The following TRIP11 variants were observed in gnomAD, a reference collection of about 807,000 sequenced individuals.
The protein encoded by TRIP11 is thyroid receptor-interacting protein 11.
Under a neutral mutation model 223.1 loss-of-function variants are expected in TRIP11, and 148 were observed. That is an observed-to-expected ratio of 0.66 (90% CI 0.58 to 0.76). TRIP11 has a LOEUF of 0.76. Ranked by LOEUF, TRIP11 falls within the 30% of genes least tolerant of loss-of-function variation. TRIP11 has a pLI of 0.00. For synonymous variants in TRIP11, 762 were observed against 772.6 expected, an observed-to-expected ratio of 0.99 and a Z score of 0.23; for missense variants, 2,043 against 2,222.0, an observed-to-expected ratio of 0.92 and a Z score of 1.62.
chr14:91,975,195 C>T lies in TRIP11; in HGVS notation c.5434G>A (p.Val1812Ile), dbSNP rs139141533. 2.6e-5 allele frequency: 42 copies of T among 1,613,488 alleles called. No homozygotes were observed. The highest frequency in any genetic ancestry group is 2.0e-4 in the East Asian group (9 of 44,864). ...VLRLMGSILG[V>I]RREEMEQLFH... Reference sequence around the variant, plus strand: ...ACCTGCTCCATCTCCTCCCTTCTGACGCCCAGGATGCTCCCCATTAACCGT... The same window carrying T: ...ACCTGCTCCATCTCCTCCCTTCTGATGCCCAGGATGCTCCCCATTAACCGT... The change falls in exon 18 of 21, where the codon GTC becomes ATC. Residue 1812 changes from valine to isoleucine, a missense_variant. Physicochemically the swap from Val to Ile is conservative, Grantham distance 29 (BLOSUM62 3). Coordinates refer to ENST00000267622, the MANE Select transcript of TRIP11 (RefSeq NM_004239.4).
intron 2 of TRIP11, among the ~76,000 whole-genome samples, chr14:92,029,371 C>T (rs1045287879): frequency 1.4e-5 from 2 of 139,928 alleles, no homozygotes; most frequent in Non-Finnish European, 3.0e-5. Context: ...TCTCGGCTCA[C>T]TGCAACCTCT....
At chr14:92,015,932 T>C (rs931968556) in intron 5 of TRIP11, 71 bp from the exon 6 acceptor site, 19 of 1,370,980 alleles carry the variant, frequency 1.4e-5, no homozygotes, top group Admixed American at 6.7e-5. Flanking sequence ...ATTTAACTGT[T>C]GTCCAAAAGT....
chr14:91,973,112 G>T (rs1016730278), intron 19 of TRIP11, among the ~76,000 whole-genome samples: 2 of 145,506 alleles, frequency 1.4e-5, no homozygotes, highest in Admixed American at 1.4e-4. Flanking sequence ...TGCAACCTCC[G>T]CCTCCCAGGT....
At chr14:92,022,564 C>T (rs1008990916) in intron 3 of TRIP11, among the ~76,000 whole-genome samples, 6 of 152,098 alleles carry the variant, frequency 3.9e-5, no homozygotes, top group Non-Finnish European at 8.8e-5. Flanking sequence ...TAAGTCATAG[C>T]GCAAAAGAAA....
intron 2 of TRIP11, among the ~76,000 whole-genome samples, chr14:92,030,374 G>C (rs1002613948): frequency 6.6e-6 from 1 of 151,944 alleles, no homozygotes; most frequent in East Asian, 1.9e-4. Flanking sequence ...ATACATGACA[G>C]TATTCTTTTT....
chr14:91,996,408 G>A (rs933682311), intron 13 of TRIP11, among the ~76,000 whole-genome samples: 8 of 152,176 alleles, frequency 5.3e-5, no homozygotes, highest in East Asian at 1.9e-4. Flanking sequence ...CAGGTGAGGC[G>A]GCTCTCACAT....
In TRIP11 at chr14:92,003,406, A is replaced by G. The variant is rs1488747485; in HGVS notation, c.4557+13T>C. 1 of 1,612,158 alleles carries G rather than the reference A, an allele frequency of 6.2e-7. No homozygotes were observed. Among genetic ancestry groups the G allele is most frequent in the Non-Finnish European group, 8.5e-7 (1 of 1,179,994 alleles). On this transcript the variant is annotated intron_variant, in intron 11 of 20. Coordinates refer to ENST00000267622, the MANE Select transcript of TRIP11 (RefSeq NM_004239.4). ...CCCCAACTTCCTTCTACAATACTCC[A>G]TCCAGAACACACCTGTTCTTTCTCT...
Position 92,006,348 on chromosome 14 carries a change from ACTCT to A in TRIP11, c.1624_1627del (p.Arg542PhefsTer15). On this transcript the variant is annotated frameshift_variant, in exon 11 of 21. Coordinates refer to ENST00000267622, the MANE Select transcript of TRIP11 (RefSeq NM_004239.4). LOFTEE classifies it high-confidence loss of function. ...CATTTTATCATCTTCAAGTTGATGAACTCTCTTTTTTTCATCATTTAGATCTTGT... is the reference window on the plus strand; with the variant it reads ...CATTTTATCATCTTCAAGTTGATGAACTTTTTTTCATCATTTAGATCTTGT... 6.2e-7 allele frequency: 1 copy of A among 1,610,688 alleles called. No individual in the cohort carries two copies. The highest frequency in any genetic ancestry group is 1.7e-4 in the Middle Eastern group (1 of 6,044).
At chr14:91,988,074 A>T (rs918197838) in intron 16 of TRIP11, among the ~76,000 whole-genome samples, 2 of 152,204 alleles carry the variant, frequency 1.3e-5, no homozygotes, top group Admixed American at 6.5e-5. Context: ...AACATCCAGG[A>T]AAACTAACTG....
chr14:92,039,759 A>G lies in TRIP11; in HGVS notation c.-74T>C, dbSNP rs921572463. On this transcript the variant is annotated 5_prime_UTR_variant, in exon 1 of 21. Transcript: ENST00000267622. The stretch of plus-strand genomic sequence containing the variant: ...TTTAGCGCCGCCGGGCGATCCGACC[A>G]AATATCCTTGAACGCCTGCCTTCGC... The G allele has an allele frequency of 5.1e-6, 8 of 1,559,394 alleles. No homozygotes were observed. Among genetic ancestry groups the G allele is most frequent in the Non-Finnish European group, 6.1e-6 (7 of 1,151,504 alleles).
chr14:92,030,128 C>T (rs968080067), intron 2 of TRIP11, among the ~76,000 whole-genome samples: 6 of 137,504 alleles, frequency 4.4e-5, no homozygotes, highest in African/African-American at 1.4e-4. Context: ...ACCCGGGAGG[C>T]GGAGCTTGCA....
chr14:91,996,039 G>GTACA (rs1370397232), intron 13 of TRIP11, among the ~76,000 whole-genome samples: 1 of 152,100 alleles, frequency 6.6e-6, no homozygotes, highest in Non-Finnish European at 1.5e-5. Context: ...AGTTTTAAGT[G>GTACA]TACAGTTCAG....
chr14:92,001,167 C>T (rs1037388103), intron 11 of TRIP11, among the ~76,000 whole-genome samples: 5 of 151,942 alleles, frequency 3.3e-5, no homozygotes, highest in Admixed American at 6.6e-5. Context: ...GGTCTACAGC[C>T]GTTTCTTTTC....
intron 13 of TRIP11, among the ~76,000 whole-genome samples, chr14:91,997,733 C>T (rs1444748384): frequency 6.6e-6 from 1 of 152,060 alleles, no homozygotes; most frequent in African/African-American, 2.4e-5. Flanking sequence ...TAGCTGATAA[C>T]ATGAAATAAG....
intron 16 of TRIP11, among the ~76,000 whole-genome samples, chr14:91,985,851 A>G (rs1421995739): frequency 6.6e-6 from 1 of 152,248 alleles, no homozygotes; most frequent in Non-Finnish European, 1.5e-5. Context: ...TTCTTTTGAA[A>G]CAAGTGAGCT....
rs373823791 is a variant in TRIP11 at position 92,014,575 on chromosome 14, C to T, written c.826G>A (p.Gly276Ser). Residue 276 changes from glycine (G) to serine (S), a missense_variant and splice_region_variant, in exon 7 of 21, where the codon GGC becomes AGC. By Grantham distance (56) the Gly-to-Ser change is moderately conservative (BLOSUM62 0). Coordinates refer to ENST00000267622, the MANE Select transcript of TRIP11 (RefSeq NM_004239.4). ...EELENLLQQGGSGVIETDLSK... is the reference protein window; with the variant it reads ...EELENLLQQGSSGVIETDLSK... ...AGATCAGTTTCTATAACTCCAGAGC[C>T]ACCTAGAACATAAACACAAAACAAT... 3.7e-6 allele frequency: 6 copies of T among 1,601,982 alleles called. No individual in the cohort carries two copies. The highest frequency in any genetic ancestry group is 5.1e-6 in the Non-Finnish European group (6 of 1,177,566).
chr14:91,975,033 A>G, intron 18 of TRIP11, 139 bp downstream of exon 18: 3 of 831,432 alleles, frequency 3.6e-6, no homozygotes, highest in Non-Finnish European at 6.1e-6. Context: ...TGCCTCTTCA[A>G]TGTTGTATGA....
chr14:91,969,266 C>A lies in TRIP11; in HGVS notation c.*407G>T. ...TCTGCACTATGCAGAGAAGCCACTA[C>A]TAGTATTTTTTTATTCTTCGTTTAA... On this transcript the variant is annotated 3_prime_UTR_variant, in exon 21 of 21. Transcript: ENST00000267622. 3.2e-6 allele frequency: 1 copy of A among 311,122 alleles called. No individual in the cohort carries two copies. Among genetic ancestry groups the A allele is most frequent in the African/African-American group, 2.2e-5 (1 of 45,798 alleles). 19.3% of individuals were successfully genotyped at this position (311,122 alleles called of 1,614,324 possible). A position where few individuals can be genotyped will look rare whatever the true frequency, so the allele number is the denominator to read the frequency against.
At chr14:92,000,308 A>T (rs1321268402) in intron 11 of TRIP11, among the ~76,000 whole-genome samples, 200 bp from the exon 12 acceptor site, 1 of 152,198 alleles carries the variant, frequency 6.6e-6, no homozygotes, top group Non-Finnish European at 1.5e-5. Context: ...AAAACCAAAA[A>T]AGTCAGAGAA....
Sources: gnomAD v4.1 joint callset for allele counts (sites outside exome capture counted in the v4.1 genomes callset) on GRCh38, gnomAD v4.1.1 for gene constraint, MANE v1.5 for transcripts, NCBI Gene and HGNC (gene_info 2026-07-23, HGNC 2026-07-21) for gene names.